Variants in CCDC62 observed in about 807,000 individuals in gnomAD.
CCDC62 encodes the protein coiled-coil domain containing 62.
In CCDC62, 72 loss-of-function variants were observed where a neutral mutation model predicts 80.8. That is an observed-to-expected ratio of 0.89 (90% CI 0.74 to 1.08). CCDC62 has a LOEUF of 1.08. CCDC62 is among the 50% of genes least tolerant of loss of function. CCDC62 has a pLI of 0.00. For missense variants in CCDC62, 704 were observed against 809.4 expected (o/e 0.87, Z 1.58); for synonymous variants, 286 against 296.5 (o/e 0.96, Z 0.36).
At chr12:122,776,108 G>A (rs1879436004) in intron 1 of CCDC62, among the ~76,000 whole-genome samples, 1 of 152,204 alleles carries the variant, frequency 6.6e-6, no homozygotes, top group South Asian at 2.1e-4. Context: ...GCTGATGTTT[G>A]TTGAGTGATT....
rs183136245 is a variant in CCDC62 at position 122,825,432 on chromosome 12, C to T, written c.*41-990C>T. Among the ~76,000 whole-genome samples, 173 of 150,346 alleles carry T rather than the reference C, an allele frequency of 1.2e-3. 3 individuals are homozygous for T. Among genetic ancestry groups the T allele is most frequent in the African/African-American group, 3.4e-3 (139 of 41,016 alleles). ...TGCGATCTCAGCTCACTGCAACCTC[C>T]GCCTCCCGGGTTCAAGCGATTCTCC... On this transcript the variant is annotated intron_variant, in intron 12 of 12. Transcript: ENST00000253079.
At chr12:122,812,776 AGAGAAAG>A (rs1390605098) in intron 10 of CCDC62, among the ~76,000 whole-genome samples, 1 of 87,590 alleles carries the variant, frequency 1.1e-5, no homozygotes, top group Non-Finnish European at 2.3e-5. Flanking sequence ...AGAGAGAGAG[AGAGAAAG>A]AAAGAAAGAA....
intron 1 of CCDC62, among the ~76,000 whole-genome samples, chr12:122,775,755 G>T (rs1175143187): frequency 6.6e-6 from 1 of 152,178 alleles, no homozygotes; most frequent in Non-Finnish European, 1.5e-5. Context: ...TGGGACTACA[G>T]GCTCCCACCA....
At position 122,801,475 on chromosome 12, in the gene CCDC62, G is replaced by A; in HGVS notation, c.1329G>A (p.Gln443=). 6.2e-7 allele frequency: 1 copy of A among 1,614,132 alleles called. No individual in the cohort carries two copies. The highest frequency in any genetic ancestry group is 1.1e-5 in the South Asian group (1 of 91,066). Residue 443 remains glutamine, a synonymous_variant, in exon 9 of 13, where the codon CAG becomes CAA. Coordinates refer to ENST00000253079, the MANE Select transcript of CCDC62 (RefSeq NM_201435.5). ...CAAAATGTCATGGCACTGGGGTTCAGAACGAAGGAAAACAACCCTCAGAAA... is the reference window on the plus strand; with the variant it reads ...CAAAATGTCATGGCACTGGGGTTCAAAACGAAGGAAAACAACCCTCAGAAA... ...KSPKCHGTGV[Q]NEGKQPSETP... is the part of the protein sequence containing the mutation.
chr12:122,824,092 A>T lies in CCDC62; in HGVS notation c.*40+633A>T, dbSNP rs1049215306. On this transcript the variant is annotated intron_variant, in intron 12 of 12. Coordinates refer to ENST00000253079, the MANE Select transcript of CCDC62 (RefSeq NM_201435.5). ...AATCTAATATGAAAAGATGTTCAAC[A>T]TCACTAATTATCAGGGGAATGCAAA... Among the ~76,000 whole-genome samples the T allele has an allele frequency of 2.0e-5, 3 of 152,244 alleles. No homozygotes were observed. The East Asian group carries it at 5.8e-4, about 29-fold the overall frequency.
intron 2 of CCDC62, 42 bp downstream of exon 2, chr12:122,777,725 TGC>T: frequency 1.3e-6 from 2 of 1,547,584 alleles, no homozygotes; most frequent in Non-Finnish European, 1.8e-6. Flanking sequence ...CACTTCTGTG[TGC>T]TAACACATTG....
chr12:122,780,876 A>C (rs890745604), intron 2 of CCDC62, among the ~76,000 whole-genome samples: 3 of 152,122 alleles, frequency 2.0e-5, no homozygotes, highest in Non-Finnish European at 4.4e-5. Flanking sequence ...TCACTGGTAA[A>C]ACTGTAATGG....
At chr12:122,782,369 T>C (rs1293136936) in intron 3 of CCDC62, among the ~76,000 whole-genome samples, 1 of 152,210 alleles carries the variant, frequency 6.6e-6, no homozygotes, top group Non-Finnish European at 1.5e-5. Context: ...GCATCTACCA[T>C]TTAATCAACA....
chr12:122,812,752 GGAGGGAGAGAGAGAGAGA>G (rs1300383781), intron 10 of CCDC62, among the ~76,000 whole-genome samples: 6 of 51,514 alleles, frequency 1.2e-4, no homozygotes, highest in African/African-American at 6.7e-4. Flanking sequence ...AGAGAGAGAG[GGAGGGAGAGAGAGAGAGA>G]GAGAGAGAGA....
intron 8 of CCDC62, among the ~76,000 whole-genome samples, chr12:122,799,889 G>A (rs1407214848): frequency 6.6e-6 from 1 of 152,190 alleles, no homozygotes; most frequent in Admixed American, 6.5e-5. Flanking sequence ...CTCTGCGAGG[G>A]GTTGTGGCCT....
chr12:122,812,408 C>T (rs893139168), intron 10 of CCDC62, among the ~76,000 whole-genome samples: 4 of 143,664 alleles, frequency 2.8e-5, no homozygotes, highest in Admixed American at 7.4e-5. Flanking sequence ...CACTATTGCA[C>T]TCCAGCCTAG....
intron 11 of CCDC62, among the ~76,000 whole-genome samples, chr12:122,815,193 C>G (rs1359190962): frequency 6.6e-6 from 1 of 152,190 alleles, no homozygotes; most frequent in Non-Finnish European, 1.5e-5. Flanking sequence ...ATCTTCCCAC[C>G]TCAGCCTCCT....
At chr12:122,775,533 T>TTCC (rs1266814616) in intron 1 of CCDC62, among the ~76,000 whole-genome samples, 4 of 152,238 alleles carry the variant, frequency 2.6e-5, no homozygotes, top group Non-Finnish European at 5.9e-5. Context: ...ACACTGGAAT[T>TTCC]CAAGCCTTGG....
chr12:122,782,171 C>G (rs1425985409), intron 3 of CCDC62, among the ~76,000 whole-genome samples: 1 of 152,010 alleles, frequency 6.6e-6, no homozygotes, highest in Non-Finnish European at 1.5e-5. Context: ...CTCATCTCAA[C>G]AAAAAACAAC....
At chr12:122,805,026 A>G (rs1202184773) in intron 9 of CCDC62, among the ~76,000 whole-genome samples, 2 of 151,428 alleles carry the variant, frequency 1.3e-5, no homozygotes, top group Non-Finnish European at 2.9e-5. Flanking sequence ...CTGAGATTAC[A>G]GGCGCGCGCC....
At chr12:122,806,661 G>A (rs921360989) in intron 10 of CCDC62, among the ~76,000 whole-genome samples, 3 of 151,540 alleles carry the variant, frequency 2.0e-5, no homozygotes, top group Non-Finnish European at 4.4e-5. Context: ...TCATTTTTTT[G>A]TAGAGACAGG....
intron 7 of CCDC62, 32 bp downstream of exon 7, chr12:122,797,427 A>G: frequency 8.4e-7 from 1 of 1,188,292 alleles, no homozygotes; most frequent in South Asian, 1.3e-5. Context: ...TCTGTCACAT[A>G]AGAAATGTTT....
intron 9 of CCDC62, 109 bp downstream of exon 9, chr12:122,801,961 GT>G: frequency 8.3e-7 from 1 of 1,199,978 alleles, no homozygotes; most frequent in Non-Finnish European, 1.2e-6. Flanking sequence ...CAAAAGGCAT[GT>G]TTGCTAACAG....
At chr12:122,812,468 C>T (rs187741146) in intron 10 of CCDC62, among the ~76,000 whole-genome samples, 29 of 148,596 alleles carry the variant, frequency 2.0e-4, no homozygotes, top group Non-Finnish European at 2.7e-4. Flanking sequence ...AGGCCGGGTG[C>T]GGTGGCTCAC....
Sources: allele counts gnomAD v4.1 joint callset (sites outside exome capture counted in the v4.1 genomes callset), GRCh38; gene constraint gnomAD v4.1.1; transcripts MANE v1.5; gene names NCBI Gene and HGNC (gene_info 2026-07-23, HGNC 2026-07-21).